The following BTNL8 variants were observed in gnomAD, a reference collection of about 807,000 sequenced individuals.
BTNL8 encodes butyrophilin-like protein 8.
In BTNL8, 22 loss-of-function variants were observed where a neutral mutation model predicts 36.1. That is an observed-to-expected ratio of 0.61 (90% CI 0.44 to 0.87). The LOEUF is 0.87. Among genes scored for constraint, BTNL8 ranks in the 40% least tolerant of loss-of-function variants. The pLI, the probability that BTNL8 is intolerant of heterozygous loss-of-function variation, is 0.00. For synonymous variants in BTNL8, 203 were observed against 235.6 expected (o/e 0.86, Z 1.27); for missense variants, 526 against 616.9 (o/e 0.85, Z 1.56).
At chr5:180,899,469 C>A in intron 1 of BTNL8, 110 bp downstream of exon 1, 1 of 1,244,316 alleles carries the variant, frequency 8.0e-7, no homozygotes, top group African/African-American at 1.5e-5. Context: ...ATTCCTTTGG[C>A]TTCTCCTAGC....
chr5:180,925,705 T>TA (rs1758064397), intron 3 of BTNL8, among the ~76,000 whole-genome samples: 1 of 152,124 alleles, frequency 6.6e-6, no homozygotes, highest in African/African-American at 2.4e-5. Context: ...CATATGGAAG[T>TA]AAAAAACTCA....
intron 3 of BTNL8, among the ~76,000 whole-genome samples, chr5:180,914,403 C>A (rs549366263): frequency 3.9e-5 from 6 of 152,260 alleles, no homozygotes; most frequent in Admixed American, 6.5e-5. Flanking sequence ...AAATACATTT[C>A]TATTGTTTAC....
intron 3 of BTNL8, among the ~76,000 whole-genome samples, chr5:180,946,653 A>G (rs1759263726): frequency 6.6e-6 from 1 of 152,240 alleles, no homozygotes; most frequent in South Asian, 2.1e-4. Flanking sequence ...GGGTGCAAAG[A>G]TTGAGATAGA....
chr5:180,908,578 T>A lies in BTNL8; in HGVS notation c.50-8T>A, dbSNP rs1320974559. The A allele has an allele frequency of 1.2e-6, 2 of 1,612,240 alleles. No individual in the cohort carries two copies. The highest frequency in any genetic ancestry group is 2.7e-5 in the African/African-American group (2 of 74,840). On this transcript the variant is annotated splice_polypyrimidine_tract_variant and splice_region_variant and intron_variant, in intron 1 of 7. Coordinates refer to ENST00000340184, the MANE Select transcript of BTNL8 (RefSeq NM_001040462.3). ...TTGATGATTTATCTTTTGTATGTCT[T>A]CCCACAGGGCAGTGGCAGGTGTTTG... is the stretch of plus-strand genomic sequence containing the variant.
Position 180,936,592 on chromosome 5 carries a change from G to C in BTNL8, c.674-10920G>C, listed in dbSNP as rs140975462. 3.4e-4 allele frequency among the ~76,000 whole-genome samples: 52 copies of C among 152,264 alleles called. No homozygotes were observed. The East Asian group carries it at 9.8e-3, about 29-fold the overall frequency. On this transcript the variant is annotated intron_variant, in intron 3 of 7. Coordinates refer to ENST00000340184, the MANE Select transcript of BTNL8 (RefSeq NM_001040462.3). The stretch of plus-strand genomic sequence containing the variant: ...ATTAAAGAAATTGAAGAAAACACAA[G>C]CAAATGGAAAACTATCCTGTGTTCA...
intron 1 of BTNL8, among the ~76,000 whole-genome samples, chr5:180,908,265 C>A (rs978205502): frequency 6.6e-6 from 1 of 151,586 alleles, no homozygotes; most frequent in African/African-American, 2.4e-5. Flanking sequence ...GTGGGAGTGA[C>A]CCGATTTTCC....
At chr5:180,923,573 G>C (rs1053887697) in intron 3 of BTNL8, among the ~76,000 whole-genome samples, 1 of 151,944 alleles carries the variant, frequency 6.6e-6, no homozygotes, top group East Asian at 1.9e-4. Context: ...ATCATGGTAG[G>C]AGGTTTAAAC....
At chr5:180,918,570 GA>G (rs1757743641) in intron 3 of BTNL8, among the ~76,000 whole-genome samples, 1 of 152,300 alleles carries the variant, frequency 6.6e-6, no homozygotes, top group Middle Eastern at 3.4e-3. Context: ...AACATTTAAA[GA>G]GGTTTATTCT....
chr5:180,938,384 A>G (rs1344758100), intron 3 of BTNL8, among the ~76,000 whole-genome samples: 1 of 152,174 alleles, frequency 6.6e-6, no homozygotes, highest in Non-Finnish European at 1.5e-5. Flanking sequence ...TCAACACAAA[A>G]AGGTCCTCTA....
At position 180,946,883 on chromosome 5, in the gene BTNL8, A is replaced by G. The variant is rs1378303808; in HGVS notation, c.674-629A>G. Among the ~76,000 whole-genome samples the G allele has an allele frequency of 3.3e-5, 5 of 152,262 alleles. No individual in the cohort carries two copies. In the East Asian group the frequency reaches 7.7e-4, roughly 23 times the overall value. On this transcript the variant is annotated intron_variant, in intron 3 of 7. Transcript: ENST00000340184. ...CACCGTACCCATTAATATGTATGTG[A>G]TTTGTCAATTTAAATAATAGTAATA...
intron 3 of BTNL8, among the ~76,000 whole-genome samples, chr5:180,944,701 T>C (rs558320671): frequency 9.7e-4 from 148 of 152,358 alleles, no homozygotes; most frequent in Admixed American, 1.9e-3. Context: ...ATGATCAATG[T>C]TTTAGGTGAT....
At position 180,948,367 on chromosome 5, in the gene BTNL8, C is replaced by A. The variant is rs755335177; in HGVS notation, c.800C>A (p.Ala267Glu). The A allele has an allele frequency of 1.4e-6, 2 of 1,466,528 alleles. No homozygotes were observed. Among genetic ancestry groups the A allele is most frequent in the African/African-American group, 2.7e-5 (2 of 72,888 alleles). 90.8% of individuals were successfully genotyped at this position (1,466,528 alleles called of 1,614,324 possible). A position where few individuals can be genotyped will look rare whatever the true frequency, so the allele number is the denominator to read the frequency against. ...GTTTCTGTTTCAGGGAAAATCCAGG[C>A]GGAACTGGGTAAGTATGTGTCATGT... ...FFSKFQWKIQ[A>E]ELDWRRKHGQ... Residue 267 changes from alanine to glutamate, a missense_variant, in exon 5 of 8, where the codon GCG becomes GAG. Ala to Glu is a moderately radical substitution (Grantham distance 107, BLOSUM62 -1). Transcript: ENST00000340184.
At chr5:180,949,325 A>G in intron 7 of BTNL8, 60 bp downstream of exon 7, 2 of 1,458,652 alleles carry the variant, frequency 1.4e-6, no homozygotes, top group Non-Finnish European at 1.9e-6. Context: ...GAGAGGGGGA[A>G]CTGAACAGGG....
intron 1 of BTNL8, among the ~76,000 whole-genome samples, chr5:180,900,175 T>C (rs1647322904): frequency 6.6e-6 from 1 of 152,274 alleles, no homozygotes; most frequent in Non-Finnish European, 1.5e-5. Context: ...TTTGTTTTCA[T>C]TTATTTTCTG....
intron 3 of BTNL8, among the ~76,000 whole-genome samples, chr5:180,917,765 G>A (rs368625472): frequency 1.1e-5 from 1 of 89,944 alleles, no homozygotes; most frequent in African/African-American, 3.0e-5. Flanking sequence ...GTGGTGGCGG[G>A]TGCCTGTAAT....
intron 3 of BTNL8, chr5:180,945,656 T>G (rs1582065137): frequency 7.1e-6 from 2 of 280,818 alleles, no homozygotes; most frequent in Non-Finnish European, 1.6e-5. Flanking sequence ...GGAAAGGACC[T>G]GAACAAACAT....
At chr5:180,907,600 T>C (rs1217870257) in intron 1 of BTNL8, among the ~76,000 whole-genome samples, 5 of 149,172 alleles carry the variant, frequency 3.4e-5, no homozygotes, top group Admixed American at 1.3e-4. Context: ...AGAGGCGCTC[T>C]GCTTTTTAGA....
At chr5:180,945,797 C>T (rs908948146) in intron 3 of BTNL8, 20 of 510,562 alleles carry the variant, frequency 3.9e-5, no homozygotes, top group Admixed American at 1.8e-4. Context: ...CATGAAAATT[C>T]GGTCAGGGTT....
rs546129063 is a variant in BTNL8, at chr5:180,926,376, T to A, written c.673+14762T>A. On this transcript the variant is annotated intron_variant, in intron 3 of 7. Transcript: ENST00000340184. ...GTGCCTACACCACCCGGGCCCTGGG[T>A]TTTAAGCACAAAACTGGGTGGCCGT... Among the ~76,000 whole-genome samples, 5 of 152,028 alleles carry A rather than the reference T, an allele frequency of 3.3e-5. No homozygotes were observed. The East Asian group carries it at 9.7e-4, about 29-fold the overall frequency.
Sources: gnomAD v4.1 joint callset for allele counts (sites outside exome capture counted in the v4.1 genomes callset) on GRCh38, gnomAD v4.1.1 for gene constraint, MANE v1.5 for transcripts, NCBI Gene and HGNC (gene_info 2026-07-23, HGNC 2026-07-21) for gene names.